CFHR5: variants seen among roughly 807,000 people sequenced by gnomAD.
CFHR5 encodes the protein complement factor H related 5.
CFHR5 carries 73 observed loss-of-function variants against 62.9 expected under a neutral mutation model. That is an observed-to-expected ratio of 1.16 (90% CI 0.96 to 1.41). CFHR5 has a LOEUF of 1.41. CFHR5 is among the 40% of genes most tolerant of loss of function. The probability of loss-of-function intolerance (pLI) is 0.00; values close to 1 mark genes in which losing one functional copy is unlikely to be tolerated. For synonymous variants in CFHR5, 249 were observed against 227.2 expected, an observed-to-expected ratio of 1.10 and a Z score of -0.86; for missense variants, 779 against 679.9, an observed-to-expected ratio of 1.15 and a Z score of -1.62.
At chr1:196,977,410 C>T, upstream of CFHR5, 1 of 484,340 alleles carries the variant, frequency 2.1e-6, no homozygotes, top group Non-Finnish European at 3.8e-6. Context: ...AATTGAACAG[C>T]AGTTATTTTG....
At chr1:196,977,879 AC>A (rs1264703525) in intron 1 of CFHR5, among the ~76,000 whole-genome samples, 157 bp downstream of exon 1, 2 of 152,216 alleles carry the variant, frequency 1.3e-5, no homozygotes, top group Non-Finnish European at 2.9e-5. Context: ...ATATTTTCCA[AC>A]ATGCAATTAG....
At position 196,977,644 on chromosome 1, in the gene CFHR5, A is replaced by G. The variant is rs745932271; in HGVS notation, c.-21A>G. The G allele has an allele frequency of 3.1e-6, 5 of 1,595,916 alleles. No individual in the cohort carries two copies. The highest frequency in any genetic ancestry group is 1.1e-5 in the South Asian group (1 of 90,564). ...CCATCACTGGAGTATTTTTAGTTAT[A>G]TACGATTGAGACTACCAAGCATGTT... On this transcript the variant is annotated 5_prime_UTR_variant, in exon 1 of 10. It adds an upstream start codon to the 5' untranslated region. Coordinates refer to ENST00000256785, the MANE Select transcript of CFHR5 (RefSeq NM_030787.4).
At chr1:196,997,441 A>G (rs1654023016) in intron 6 of CFHR5, among the ~76,000 whole-genome samples, 1 of 152,214 alleles carries the variant, frequency 6.6e-6, no homozygotes, top group Non-Finnish European at 1.5e-5. Context: ...AGCACACTCC[A>G]TGTCTCATTA....
intron 9 of CFHR5, among the ~76,000 whole-genome samples, chr1:197,007,392 A>C (rs952767281): frequency 6.6e-6 from 1 of 152,122 alleles, no homozygotes; most frequent in Non-Finnish European, 1.5e-5. Flanking sequence ...AAAATTATGT[A>C]AGGTACATAA....
intron 3 of CFHR5, among the ~76,000 whole-genome samples, chr1:196,993,083 T>G (rs1400331000): frequency 6.6e-6 from 1 of 152,172 alleles, no homozygotes; most frequent in Non-Finnish European, 1.5e-5. Flanking sequence ...TACATATCTA[T>G]TTCTAATTGA....
rs200148491 is a variant in CFHR5 at position 197,002,507 on chromosome 1, G to T, written c.1173G>T (p.Pro391=). Residue 391 remains proline, a synonymous_variant, in exon 8 of 10, where the codon CCG becomes CCT. Coordinates refer to ENST00000256785, the MANE Select transcript of CFHR5 (RefSeq NM_030787.4). ...CTEKREQFCP[P]PPQIPNAQNM... Reference sequence around the variant, plus strand: ...AAAAAAGGGAACAATTCTGCCCACCGCCACCTCAGATACCTAATGCTCAGA... The same window carrying T: ...AAAAAAGGGAACAATTCTGCCCACCTCCACCTCAGATACCTAATGCTCAGA... The T allele has an allele frequency of 9.3e-6, 15 of 1,612,918 alleles. No individual in the cohort carries two copies. The highest frequency in any genetic ancestry group is 1.2e-5 in the Non-Finnish European group (14 of 1,179,390).
At chr1:197,003,679 G>C (rs186015956) in intron 8 of CFHR5, among the ~76,000 whole-genome samples, 2 of 152,244 alleles carry the variant, frequency 1.3e-5, no homozygotes, top group Admixed American at 1.3e-4. Flanking sequence ...AGTAATTGCA[G>C]TGTGTTCAAG....
intron 3 of CFHR5, among the ~76,000 whole-genome samples, chr1:196,988,685 A>G (rs765277270): frequency 1.3e-5 from 2 of 152,156 alleles, no homozygotes; most frequent in Non-Finnish European, 2.9e-5. Flanking sequence ...TAGTTTGTAT[A>G]TGTTGAACCA....
intron 7 of CFHR5, among the ~76,000 whole-genome samples, chr1:197,000,837 T>G (rs1654133926): frequency 6.6e-6 from 1 of 152,098 alleles, no homozygotes; most frequent in Non-Finnish European, 1.5e-5. Context: ...TTCCAAAATG[T>G]TTACAAAATA....
At chr1:196,982,580 G>C (rs1190495767) in intron 1 of CFHR5, among the ~76,000 whole-genome samples, 1 of 152,074 alleles carries the variant, frequency 6.6e-6, no homozygotes, top group Non-Finnish European at 1.5e-5. Context: ...GGCTGAGGCA[G>C]GAGAATCACT....
chr1:196,987,917 T>C (rs544783210), intron 3 of CFHR5, among the ~76,000 whole-genome samples: 16 of 152,318 alleles, frequency 1.1e-4, no homozygotes, highest in Admixed American at 4.6e-4. Flanking sequence ...AAGTTAGTGG[T>C]AACTTGATGC....
intron 7 of CFHR5, among the ~76,000 whole-genome samples, chr1:197,000,735 T>C (rs77253263): frequency 0.019 from 2,862 of 152,260 alleles, 92 homozygotes; most frequent in African/African-American, 0.065. Flanking sequence ...GTCTTGATGA[T>C]ACTCAATAAG....
chr1:196,996,160 C>T lies in CFHR5; in HGVS notation c.929C>T (p.Thr310Ile). Reference sequence around the variant, plus strand: ...GCAATGATTGGAAATAACATGATTACCTGTATTAATGGAATATGGACAGAG... The same window carrying T: ...GCAATGATTGGAAATAACATGATTATCTGTATTAATGGAATATGGACAGAG... ...EYAMIGNNMI[T>I]CINGIWTELP... Residue 310 changes from threonine to isoleucine, a missense_variant, in exon 6 of 10, where the codon ACC (threonine) becomes ATC (isoleucine). Transcript: ENST00000256785. 2.5e-6 allele frequency: 4 copies of T among 1,613,026 alleles called. No individual in the cohort carries two copies. The highest frequency in any genetic ancestry group is 3.4e-6 in the Non-Finnish European group (4 of 1,179,174).
At chr1:196,988,329 A>C (rs778501573) in intron 3 of CFHR5, among the ~76,000 whole-genome samples, 8 of 152,114 alleles carry the variant, frequency 5.3e-5, no homozygotes, top group Non-Finnish European at 1.0e-4. Context: ...CAACAATTTG[A>C]CTTCCTCTTT....
intron 3 of CFHR5, among the ~76,000 whole-genome samples, chr1:196,989,456 G>A (rs1653782630): frequency 6.6e-6 from 1 of 152,032 alleles, no homozygotes. Flanking sequence ...TTTCAATTGT[G>A]ATCTTAGAGT....
intron 1 of CFHR5, among the ~76,000 whole-genome samples, chr1:196,981,806 TATA>T (rs1193160974): frequency 6.6e-6 from 1 of 152,028 alleles, no homozygotes; most frequent in Non-Finnish European, 1.5e-5. Flanking sequence ...CTAGATTATT[TATA>T]ATATCTAACA....
intron 1 of CFHR5, 42 bp downstream of exon 1, chr1:196,977,764 A>G (rs1025768740): frequency 2.1e-6 from 3 of 1,442,642 alleles, no homozygotes; most frequent in African/African-American, 1.4e-5. Context: ...TCCTTTTCAA[A>G]TGTATTTATT....
At chr1:197,003,314 G>A (rs1007142472) in intron 8 of CFHR5, among the ~76,000 whole-genome samples, 1 of 152,088 alleles carries the variant, frequency 6.6e-6, no homozygotes, top group Non-Finnish European at 1.5e-5. Flanking sequence ...CGGTTCCTAA[G>A]AGGCCACAGA....
In CFHR5 at chr1:197,009,434, T is replaced by C. The variant is rs984749764; in HGVS notation, c.*751T>C. On this transcript the variant is annotated 3_prime_UTR_variant, in exon 10 of 10. Coordinates refer to ENST00000256785, the MANE Select transcript of CFHR5 (RefSeq NM_030787.4). ...AGTACTTAATTCATCTAATCCCTCC[T>C]GTTTGTCTCAAATTATAGGATAACT... The C allele has an allele frequency of 6.6e-6, 1 of 152,202 alleles. No homozygotes were observed. The highest frequency in any genetic ancestry group is 1.5e-5 in the Non-Finnish European group (1 of 68,032). The allele number at this position is 152,202 out of a possible 1,614,324, so 9.4% of individuals were successfully genotyped here.
Sources: allele counts gnomAD v4.1 joint callset (sites outside exome capture counted in the v4.1 genomes callset), GRCh38; gene constraint gnomAD v4.1.1; transcripts MANE v1.5; gene names NCBI Gene and HGNC (gene_info 2026-07-23, HGNC 2026-07-21).